The following PUS7 variants were observed in gnomAD, a reference collection of about 807,000 sequenced individuals.
The protein encoded by PUS7 is pseudouridine synthase 7, also known as pseudouridylate synthase 7 homolog.
PUS7 carries 48 observed loss-of-function variants against 79.8 expected under a neutral mutation model. That is an observed-to-expected ratio of 0.60 (90% CI 0.48 to 0.76). PUS7 has a LOEUF of 0.76. Ranked by LOEUF, PUS7 falls within the 30% of genes least tolerant of loss-of-function variation. PUS7 has a pLI of 0.00. For missense variants in PUS7, 729 were observed against 797.6 expected (o/e 0.91, Z 1.04); for synonymous variants, 286 against 272.2 (o/e 1.05, Z -0.50).
chr7:105,470,687 C>A lies in PUS7; in HGVS notation c.1398+1G>T. 1 of 1,580,434 alleles carries A rather than the reference C, an allele frequency of 6.3e-7. No individual in the cohort carries two copies. Among genetic ancestry groups the A allele is most frequent in the Non-Finnish European group, 8.6e-7 (1 of 1,158,094 alleles). On this transcript the variant is annotated splice_donor_variant, in intron 11 of 15. Transcript: ENST00000469408. LOFTEE classifies it high-confidence loss of function. ...TGCCTGACTTCACAAATTGCACTCA[C>A]TATGCCAAATGCAGAGACTATATTC...
chr7:105,494,712 G>A (rs765563209), intron 6 of PUS7, among the ~76,000 whole-genome samples: 21 of 151,960 alleles, frequency 1.4e-4, no homozygotes, highest in Non-Finnish European at 2.6e-4. Flanking sequence ...CAGGCCGATC[G>A]GCAATTCTTA....
chr7:105,521,785 GGAC>G (rs1478239241), intron 1 of PUS7, among the ~76,000 whole-genome samples: 7 of 150,834 alleles, frequency 4.6e-5, no homozygotes, highest in African/African-American at 1.7e-4. Flanking sequence ...CGGCGCCTCC[GGAC>G]GACTGGCCGG....
intron 13 of PUS7, among the ~76,000 whole-genome samples, chr7:105,463,626 T>C (rs1823521046): frequency 7.0e-6 from 1 of 142,544 alleles, no homozygotes. Context: ...TTTATTCCTA[T>C]TAAATACCTT....
intron 7 of PUS7, among the ~76,000 whole-genome samples, chr7:105,484,317 A>G (rs1268180490): frequency 6.6e-6 from 1 of 152,046 alleles, no homozygotes; most frequent in African/African-American, 2.4e-5. Flanking sequence ...TCTTCTGTAA[A>G]TAAAAACTAT....
intron 12 of PUS7, among the ~76,000 whole-genome samples, chr7:105,466,083 G>C (rs943843990): frequency 4.6e-5 from 7 of 151,692 alleles, no homozygotes; most frequent in African/African-American, 1.7e-4. Context: ...ACCTGAGCCT[G>C]GCAGGTTGAG....
chr7:105,456,613 A>G lies in PUS7; in HGVS notation c.*1177T>C, dbSNP rs919379677. 1 of 152,204 alleles carries G rather than the reference A, an allele frequency of 6.6e-6. No individual in the cohort carries two copies. Among genetic ancestry groups the G allele is most frequent in the Non-Finnish European group, 1.5e-5 (1 of 68,042 alleles). 9.4% of individuals were successfully genotyped at this position (152,204 alleles called of 1,614,324 possible). ...GAAATCATAGAAAATAAAAATTGATACAATTTTGATATACAACTTTAGAAA... is the reference window on the plus strand; with the variant it reads ...GAAATCATAGAAAATAAAAATTGATGCAATTTTGATATACAACTTTAGAAA... On this transcript the variant is annotated 3_prime_UTR_variant, in exon 16 of 16. Transcript: ENST00000469408.
intron 6 of PUS7, among the ~76,000 whole-genome samples, chr7:105,492,071 ATCT>A (rs1824805946): frequency 6.7e-6 from 1 of 148,476 alleles, no homozygotes; most frequent in African/African-American, 2.5e-5. Context: ...AAAAAAAAAA[ATCT>A]ACTAAAACAA....
chr7:105,519,112 A>G (rs1484514210), intron 1 of PUS7, among the ~76,000 whole-genome samples: 1 of 152,052 alleles, frequency 6.6e-6, no homozygotes. Flanking sequence ...TTATATTTCA[A>G]AACTATCCAC....
At chr7:105,467,037 T>G (rs1823673843) in intron 12 of PUS7, among the ~76,000 whole-genome samples, 4 of 90,502 alleles carry the variant, frequency 4.4e-5, no homozygotes, top group African/African-American at 2.4e-4. Context: ...TTTTTCTGTT[T>G]TTTTTTTTTT....
Position 105,467,034 on chromosome 7 carries a change from G to GTTTT in PUS7, c.1525+1299_1525+1302dup, listed in dbSNP as rs56177512. 8.8e-4 allele frequency among the ~76,000 whole-genome samples: 62 copies of GTTTT among 70,690 alleles called. 5 individuals are homozygous for GTTTT. The East Asian group carries it at 0.013, about 15-fold the overall frequency. 46.4% of individuals were successfully genotyped at this position (70,690 alleles called of 152,430 possible). ...AGAACTCTGAATCCCAGTTTTTTCT[G>GTTTT]TTTTTTTTTTTTTTTTTTTTTTTTT... is the stretch of plus-strand genomic sequence containing the variant. On this transcript the variant is annotated intron_variant, in intron 12 of 15. Transcript: ENST00000469408.
chr7:105,501,638 G>A (rs1225176315), intron 5 of PUS7, among the ~76,000 whole-genome samples: 1 of 151,902 alleles, frequency 6.6e-6, no homozygotes, highest in Non-Finnish European at 1.5e-5. Context: ...ATAGGGGCCT[G>A]GCAAAAAAAT....
rs34249093 is a variant in PUS7 at position 105,508,871 on chromosome 7, T to TAAAAAAAAAA, written c.-32-337_-32-328dup. On this transcript the variant is annotated intron_variant, in intron 1 of 15. Transcript: ENST00000469408. ...TGGGCGACAGAGTGAGACATTGTCTTAAAAAAAAAAAAAAAAAAAAAAAAA... is the reference window on the plus strand; with the variant it reads ...TGGGCGACAGAGTGAGACATTGTCTTAAAAAAAAAAAAAAAAAAAAAAAAAAAAAAAAAAA... 6.1e-4 allele frequency among the ~76,000 whole-genome samples: 14 copies of TAAAAAAAAAA among 22,926 alleles called. 1 individual carries two copies. Among genetic ancestry groups the TAAAAAAAAAA allele is most frequent in the South Asian group, 4.8e-3 (1 of 210 alleles). The allele number at this position is 22,926 out of a possible 152,430, so 15.0% of individuals were successfully genotyped here. A position where few individuals can be genotyped will look rare whatever the true frequency, so the allele number is the denominator to read the frequency against.
At chr7:105,498,711 T>C (rs534684283) in intron 5 of PUS7, among the ~76,000 whole-genome samples, 2 of 152,342 alleles carry the variant, frequency 1.3e-5, no homozygotes, top group East Asian at 3.9e-4. Flanking sequence ...GGGATCCTAC[T>C]CCATCCATTA....
chr7:105,470,742 C>G lies in PUS7; in HGVS notation c.1344G>C (p.Leu448=), dbSNP rs1229803376. 1.9e-6 allele frequency: 3 copies of G among 1,611,876 alleles called. No individual in the cohort carries two copies. The highest frequency in any genetic ancestry group is 4.5e-5 in the East Asian group (2 of 44,852). The change falls in exon 11 of 16, where the codon CTG becomes CTC. Residue 448 remains leucine (L), a synonymous_variant. Transcript: ENST00000469408. ...TTCCATATTTTGAAAGTCCTCGAAG[C>G]AGCTGCCCTTCCACACACCTTTTGA... ...LPVKRCVEGQ[L]LRGLSKYGMK...
chr7:105,519,296 C>T (rs1318351642), intron 1 of PUS7, among the ~76,000 whole-genome samples: 1 of 151,348 alleles, frequency 6.6e-6, no homozygotes, highest in Non-Finnish European at 1.5e-5. Flanking sequence ...TGCAGTGGTG[C>T]AGTCTCGGCT....
In PUS7 at chr7:105,502,330, GC is replaced by G; in HGVS notation, c.730+89del. The G allele has an allele frequency of 2.7e-6, 4 of 1,466,908 alleles. No individual in the cohort carries two copies. In the Admixed American group the frequency reaches 7.5e-5, roughly 27 times the overall value. 90.9% of individuals were successfully genotyped at this position (1,466,908 alleles called of 1,614,324 possible). A position where few individuals can be genotyped will look rare whatever the true frequency, so the allele number is the denominator to read the frequency against. ...TTGTTCTCTGAGCAGCACTATAGTA[GC>G]CCTTGAACACGAACGGGCAAGGCTA... On this transcript the variant is annotated intron_variant, in intron 5 of 15. Transcript: ENST00000469408.
intron 5 of PUS7, among the ~76,000 whole-genome samples, chr7:105,500,836 A>C (rs1825217275): frequency 6.6e-6 from 1 of 152,238 alleles, no homozygotes; most frequent in Non-Finnish European, 1.5e-5. Context: ...TTGGCTGAAA[A>C]AAGGCTGCTC....
chr7:105,489,126 C>T (rs1264868618), intron 7 of PUS7, among the ~76,000 whole-genome samples: 9 of 100,378 alleles, frequency 9.0e-5, no homozygotes, highest in African/African-American at 3.8e-4. Context: ...CCAGCGTGGG[C>T]AACAGAGCGA....
intron 14 of PUS7, among the ~76,000 whole-genome samples, chr7:105,459,529 C>G (rs1823327206): frequency 6.6e-6 from 1 of 151,626 alleles, no homozygotes; most frequent in African/African-American, 2.4e-5. Flanking sequence ...CCTCTGCCTC[C>G]TGGGTTCAAT....
Sources: allele counts gnomAD v4.1 joint callset (sites outside exome capture counted in the v4.1 genomes callset), GRCh38; gene constraint gnomAD v4.1.1; transcripts MANE v1.5; gene names NCBI Gene and HGNC (gene_info 2026-07-23, HGNC 2026-07-21).